ELMO1: variants seen among roughly 807,000 people sequenced by gnomAD.
The protein encoded by ELMO1 is engulfment and cell motility protein 1.
In ELMO1, 26 loss-of-function variants were observed where a neutral mutation model predicts 98.9. That is an observed-to-expected ratio of 0.26 (90% confidence interval 0.19 to 0.36). The LOEUF is 0.36. Among genes scored for constraint, ELMO1 ranks in the 10% least tolerant of loss-of-function variants. The pLI, the probability that ELMO1 is intolerant of heterozygous loss-of-function variation, is 1.00. For synonymous variants in ELMO1, 346 were observed against 346.0 expected (o/e 1.00, Z 0.00); for missense variants, 627 against 935.2 (o/e 0.67, Z 4.30).
intron 6 of ELMO1, among the ~76,000 whole-genome samples, chr7:37,250,241 AC>A (rs1378091740): frequency 1.3e-5 from 2 of 152,248 alleles, no homozygotes; most frequent in Admixed American, 6.5e-5. Context: ...ATGAAACAGT[AC>A]GCATGCAACA....
At chr7:37,293,176 T>C (rs1171696024) in intron 4 of ELMO1, among the ~76,000 whole-genome samples, 1 of 97,938 alleles carries the variant, frequency 1.0e-5, no homozygotes, top group African/African-American at 3.1e-5. Context: ...TACTGGGAAG[T>C]GAGGAGCCCC....
chr7:37,019,676 C>T (rs185550465), intron 15 of ELMO1, among the ~76,000 whole-genome samples: 14 of 152,216 alleles, frequency 9.2e-5, no homozygotes, highest in Admixed American at 7.2e-4. Context: ...AATTAGCAGA[C>T]AATATTTTAT....
At chr7:36,945,441 G>A (rs554670135) in intron 16 of ELMO1, among the ~76,000 whole-genome samples, 17 of 152,258 alleles carry the variant, frequency 1.1e-4, no homozygotes, top group East Asian at 1.9e-4. Flanking sequence ...ACCCCAAACC[G>A]GAGCCCAGCC....
intron 1 of ELMO1, among the ~76,000 whole-genome samples, chr7:37,347,592 T>TCA (rs1342136997): frequency 6.6e-6 from 1 of 152,168 alleles, no homozygotes; most frequent in Non-Finnish European, 1.5e-5. Context: ...GAACACCCTC[T>TCA]CACTTGGTTC....
chr7:37,072,770 G>A (rs984048307), intron 15 of ELMO1, among the ~76,000 whole-genome samples: 1 of 152,114 alleles, frequency 6.6e-6, no homozygotes, highest in Non-Finnish European at 1.5e-5. Context: ...TAAAACATAA[G>A]GCGAGTACCA....
intron 6 of ELMO1, among the ~76,000 whole-genome samples, chr7:37,255,328 C>T (rs1387593839): frequency 2.0e-5 from 3 of 152,190 alleles, no homozygotes; most frequent in Non-Finnish European, 4.4e-5. Context: ...AGGCAGCCAT[C>T]CACTATCCAG....
chr7:37,259,372 G>C (rs1481886611), intron 5 of ELMO1, 22 bp from the exon 6 acceptor site: 1 of 1,607,422 alleles, frequency 6.2e-7, no homozygotes, highest in African/African-American at 1.3e-5. Context: ...AAAGCAAAGG[G>C]AAGAGTGTTG....
rs563839249 is a variant in ELMO1 at position 36,884,970 on chromosome 7, G to A, written c.1714+2590C>T. Among the ~76,000 whole-genome samples, 38 of 152,294 alleles carry A rather than the reference G, an allele frequency of 2.5e-4. No homozygotes were observed. In the South Asian group the frequency reaches 7.9e-3, roughly 32 times the overall value. ...CCATCCCAGTCTGAGATCTCATGTA[G>A]AAGTGCGTCTTTCTCGAAGGGATTA... On this transcript the variant is annotated intron_variant, in intron 18 of 21. Coordinates refer to ENST00000310758, the MANE Select transcript of ELMO1 (RefSeq NM_014800.11).
chr7:36,960,138 A>G (rs1788817625), intron 16 of ELMO1, among the ~76,000 whole-genome samples: 1 of 152,188 alleles, frequency 6.6e-6, no homozygotes, highest in Non-Finnish European at 1.5e-5. Context: ...AGAAGGGTAC[A>G]TGCATTTCTA....
At chr7:36,908,958 A>G (rs1329621343) in intron 16 of ELMO1, among the ~76,000 whole-genome samples, 1 of 152,208 alleles carries the variant, frequency 6.6e-6, no homozygotes, top group Non-Finnish European at 1.5e-5. Context: ...GAATCCTACC[A>G]AATAGGGACT....
At position 36,941,411 on chromosome 7, in the gene ELMO1, G is replaced by A. The variant is rs1787025151; in HGVS notation, c.1438-46394C>T. Among the ~76,000 whole-genome samples the A allele has an allele frequency of 2.6e-5, 4 of 152,308 alleles. No individual in the cohort carries two copies. In the South Asian group the frequency reaches 6.2e-4, roughly 24 times the overall value. On this transcript the variant is annotated intron_variant, in intron 16 of 21. Coordinates refer to ENST00000310758, the MANE Select transcript of ELMO1 (RefSeq NM_014800.11). ...CACAGGTTCCACGATGTGTTGGGTG[G>A]GGCAGAAGAAAGAAAGGGAGTATGA...
chr7:37,140,439 T>C (rs1324549994), intron 13 of ELMO1, among the ~76,000 whole-genome samples: 1 of 150,108 alleles, frequency 6.7e-6, no homozygotes, highest in African/African-American at 2.4e-5. Context: ...TTACAGAAGA[T>C]GACACTGGAA....
intron 15 of ELMO1, among the ~76,000 whole-genome samples, chr7:37,086,763 A>G (rs926355492): frequency 2.3e-5 from 3 of 128,056 alleles, no homozygotes; most frequent in Non-Finnish European, 3.4e-5. Flanking sequence ...AAAAAAAAAA[A>G]AAGAAATCTT....
chr7:37,135,261 G>A (rs1244351229), intron 13 of ELMO1, among the ~76,000 whole-genome samples: 1 of 152,174 alleles, frequency 6.6e-6, no homozygotes, highest in Non-Finnish European at 1.5e-5. Flanking sequence ...GTGGATAGGA[G>A]GAAGGACTAG....
intron 10 of ELMO1, 56 bp from the exon 11 acceptor site, chr7:37,216,751 C>T (rs1793305982): frequency 3.1e-6 from 5 of 1,602,690 alleles, no homozygotes; most frequent in Non-Finnish European, 4.3e-6. Context: ...TACATTTCGA[C>T]ATGGCCAAAA....
At position 37,133,131 on chromosome 7, in the gene ELMO1, C is replaced by G; in HGVS notation, c.1190G>C (p.Arg397Pro). 1 of 1,604,610 alleles carries G rather than the reference C, an allele frequency of 6.2e-7. No homozygotes were observed. The highest frequency in any genetic ancestry group is 1.1e-5 in the South Asian group (1 of 89,500). ...TCTGAAAAGGGGCTTCTTGCTTACC[C>G]GGATGTAGGCATCTTGGTGGTGCTT... The part of the protein sequence containing the change: ...FAKHHQDAYI[R>P]IVLENSSRED... The change falls in exon 14 of 22, where the codon CGG becomes CCG. Residue 397 changes from arginine (R) to proline (P), a missense_variant and splice_region_variant. Arg to Pro is a moderately radical substitution (Grantham distance 103, BLOSUM62 -2). Around this residue, in one of 3 missense-constraint regions of ELMO1, gnomAD observed 492 missense variants for 715.6 expected, o/e 0.69. Coordinates refer to ENST00000310758, the MANE Select transcript of ELMO1 (RefSeq NM_014800.11).
Position 36,861,648 on chromosome 7 carries a change from G to T in ELMO1, c.1983+11C>A, listed in dbSNP as rs183304767. ...CATTATCTCATAAATTATCACCCCC[G>T]AGACCCTTACCTCATGCTTGTCAGG... On this transcript the variant is annotated intron_variant, in intron 21 of 21. Transcript: ENST00000310758. 6.2e-7 allele frequency: 1 copy of T among 1,611,244 alleles called. No individual in the cohort carries two copies. The highest frequency in any genetic ancestry group is 1.7e-5 in the Admixed American group (1 of 59,856).
intron 1 of ELMO1, among the ~76,000 whole-genome samples, chr7:37,415,074 G>C (rs1052996494): frequency 6.6e-6 from 1 of 152,132 alleles, no homozygotes; most frequent in African/African-American, 2.4e-5. Context: ...TACATACTTT[G>C]GGGCCTTGGT....
intron 11 of ELMO1, among the ~76,000 whole-genome samples, chr7:37,214,526 C>A (rs1458875059): frequency 6.6e-6 from 1 of 152,108 alleles, no homozygotes; most frequent in African/African-American, 2.4e-5. Context: ...CACCTGCAAT[C>A]CACACCATAG....
Sources: gnomAD v4.1 joint callset for allele counts (sites outside exome capture counted in the v4.1 genomes callset) on GRCh38, gnomAD v4.1.1 for gene constraint, gnomAD v4.1.1 regional missense constraint, MANE v1.5 for transcripts, NCBI Gene and HGNC (gene_info 2026-07-23, HGNC 2026-07-21) for gene names.